Variants in UNC5C observed in about 807,000 individuals in gnomAD.
UNC5C encodes the protein unc-5 netrin receptor C, also known as netrin receptor UNC5C.
UNC5C carries 47 observed loss-of-function variants against 99.8 expected under a neutral mutation model. That is an observed-to-expected ratio of 0.47 (90% CI 0.37 to 0.60). The LOEUF (loss-of-function observed/expected upper bound fraction) is 0.60, where lower values mean the gene tolerates loss of function less well. Ranked by LOEUF, UNC5C falls within the 20% of genes least tolerant of loss-of-function variation. The pLI is 0.00. For missense variants in UNC5C, 1,062 were observed against 1,165.9 expected (o/e 0.91, Z 1.30); for synonymous variants, 487 against 452.2 (o/e 1.08, Z -0.98).
intron 3 of UNC5C, among the ~76,000 whole-genome samples, chr4:95,295,608 C>T (rs1228571062): frequency 1.3e-5 from 2 of 152,152 alleles, no homozygotes; most frequent in Admixed American, 1.3e-4. Flanking sequence ...ATGGGCCCCT[C>T]CACAGTACAT....
intron 1 of UNC5C, among the ~76,000 whole-genome samples, chr4:95,433,259 AT>A (rs1746682397): frequency 6.6e-6 from 1 of 152,192 alleles, no homozygotes; most frequent in South Asian, 2.1e-4. Context: ...CTTTAAAGTG[AT>A]GAGATATGCT....
In UNC5C at chr4:95,388,004, T is replaced by C. The variant is rs148277466; in HGVS notation, c.125-52373A>G. Reference sequence around the variant, plus strand: ...TTTTCATATTCAATGAGTAAGCACATTTGCTTTAACATTGAAAACTACCTA... The same window carrying C: ...TTTTCATATTCAATGAGTAAGCACACTTGCTTTAACATTGAAAACTACCTA... On this transcript the variant is annotated intron_variant, in intron 1 of 15. Coordinates refer to ENST00000453304, the MANE Select transcript of UNC5C (RefSeq NM_003728.4). 2.2e-3 allele frequency among the ~76,000 whole-genome samples: 336 copies of C among 152,322 alleles called. 2 individuals are homozygous for C. The highest frequency in any genetic ancestry group is 7.7e-3 in the African/African-American group (320 of 41,582).
intron 14 of UNC5C, among the ~76,000 whole-genome samples, chr4:95,176,841 C>T (rs1736374214): frequency 6.6e-6 from 1 of 152,240 alleles, no homozygotes; most frequent in Non-Finnish European, 1.5e-5. Flanking sequence ...CTCCCCCAGC[C>T]TCGCTGCCGC....
intron 3 of UNC5C, among the ~76,000 whole-genome samples, chr4:95,282,948 G>T (rs1428720425): frequency 1.3e-5 from 2 of 152,074 alleles, no homozygotes; most frequent in Admixed American, 6.6e-5. Context: ...TTCCATGGCT[G>T]GTCTTGGGGA....
intron 2 of UNC5C, among the ~76,000 whole-genome samples, chr4:95,317,117 C>A (rs930476423): frequency 1.3e-5 from 2 of 152,084 alleles, no homozygotes; most frequent in African/African-American, 4.8e-5. Context: ...AATCTCTGCA[C>A]TTTTTATTTC....
intron 1 of UNC5C, among the ~76,000 whole-genome samples, chr4:95,460,402 C>A (rs191315753): frequency 1.1e-4 from 17 of 152,064 alleles, no homozygotes; most frequent in Non-Finnish European, 4.4e-5. Flanking sequence ...GTGTCCACAC[C>A]GAAAAGTCAT....
intron 14 of UNC5C, among the ~76,000 whole-genome samples, chr4:95,181,635 C>T (rs1236535601): frequency 7.9e-5 from 12 of 151,948 alleles, no homozygotes; most frequent in Admixed American, 2.6e-4. Flanking sequence ...GAAGGCCTGG[C>T]GGTTGCCATG....
intron 2 of UNC5C, among the ~76,000 whole-genome samples, chr4:95,305,087 A>G (rs1742014217): frequency 6.6e-6 from 1 of 152,162 alleles, no homozygotes; most frequent in African/African-American, 2.4e-5. Flanking sequence ...TCAAGCACAC[A>G]CTGATTTTTG....
intron 1 of UNC5C, among the ~76,000 whole-genome samples, chr4:95,482,918 G>A (rs1311058005): frequency 7.3e-6 from 1 of 137,248 alleles, no homozygotes; most frequent in Non-Finnish European, 1.6e-5. Context: ...TAAATGACGA[G>A]TTAATGGGTG....
intron 1 of UNC5C, among the ~76,000 whole-genome samples, chr4:95,423,343 C>A (rs1287880980): frequency 1.3e-5 from 2 of 152,166 alleles, no homozygotes; most frequent in East Asian, 3.9e-4. Context: ...GCAGCTGAGC[C>A]CACTGGCTGT....
intron 1 of UNC5C, among the ~76,000 whole-genome samples, chr4:95,375,431 C>A (rs895682120): frequency 1.3e-5 from 2 of 151,870 alleles, no homozygotes; most frequent in South Asian, 4.2e-4. Flanking sequence ...TCAAGAAATA[C>A]GTCAGTATTC....
intron 4 of UNC5C, among the ~76,000 whole-genome samples, chr4:95,262,758 T>A (rs972133778): frequency 3.9e-5 from 6 of 151,942 alleles, no homozygotes; most frequent in Non-Finnish European, 8.8e-5. Flanking sequence ...TAAAAACCTA[T>A]GGGGGAAATG....
intron 1 of UNC5C, among the ~76,000 whole-genome samples, chr4:95,433,301 T>C (rs900202993): frequency 6.6e-6 from 1 of 152,234 alleles, no homozygotes; most frequent in South Asian, 2.1e-4. Context: ...ATCAATTCCA[T>C]AAAAATAAAA....
intron 4 of UNC5C, among the ~76,000 whole-genome samples, chr4:95,260,756 AAAG>A (rs1740190163): frequency 6.6e-6 from 1 of 152,190 alleles, no homozygotes; most frequent in South Asian, 2.1e-4. Flanking sequence ...AGAGAGTTCA[AAAG>A]AAGAACATTT....
chr4:95,244,976 C>A lies in UNC5C; in HGVS notation c.943+1G>T. 6.2e-7 allele frequency: 1 copy of A among 1,613,660 alleles called. No individual in the cohort carries two copies. The highest frequency in any genetic ancestry group is 8.5e-7 in the Non-Finnish European group (1 of 1,179,864). ...TGGAATGAGAGGACTGGTTTATTTA[C>A]CTGGGCATAACGTAGTACAGGCTAT... On this transcript the variant is annotated splice_donor_variant, in intron 6 of 15. Coordinates refer to ENST00000453304, the MANE Select transcript of UNC5C (RefSeq NM_003728.4). LOFTEE classifies it high-confidence loss of function.
intron 3 of UNC5C, among the ~76,000 whole-genome samples, chr4:95,286,512 T>G (rs1195617067): frequency 6.6e-6 from 1 of 152,186 alleles, no homozygotes; most frequent in Non-Finnish European, 1.5e-5. Context: ...TCTAAATGCC[T>G]GCTTTACTGG....
At chr4:95,318,883 G>C (rs1481180243) in intron 2 of UNC5C, among the ~76,000 whole-genome samples, 6 of 152,220 alleles carry the variant, frequency 3.9e-5, no homozygotes, top group Admixed American at 3.3e-4. Context: ...CTATACCATA[G>C]GACTACCAAG....
At chr4:95,444,396 T>C (rs570644174) in intron 1 of UNC5C, among the ~76,000 whole-genome samples, 98 of 151,072 alleles carry the variant, frequency 6.5e-4, no homozygotes, top group Admixed American at 4.6e-3. Context: ...AGTGGTGCGA[T>C]CTCCGCTCAC....
intron 4 of UNC5C, among the ~76,000 whole-genome samples, chr4:95,271,973 C>G (rs144538288): frequency 6.6e-6 from 1 of 152,124 alleles, no homozygotes; most frequent in South Asian, 2.1e-4. Flanking sequence ...CTTGTTGCTC[C>G]CATCACCTGG....
Sources: gnomAD v4.1 joint callset for allele counts (sites outside exome capture counted in the v4.1 genomes callset) on GRCh38, gnomAD v4.1.1 for gene constraint, MANE v1.5 for transcripts, NCBI Gene and HGNC (gene_info 2026-07-23, HGNC 2026-07-21) for gene names.